WDR49: variants seen among roughly 807,000 people sequenced by gnomAD.
WDR49 encodes cilia- and flagella-associated protein 337.
A neutral mutation model predicts 119.5 loss-of-function variants in WDR49; 107 were observed. That is an observed-to-expected ratio of 0.90 (90% CI 0.77 to 1.05). The LOEUF (loss-of-function observed/expected upper bound fraction) is 1.05. WDR49 is among the 50% of genes least tolerant of loss of function. The pLI, the probability that WDR49 is intolerant of heterozygous loss-of-function variation, is 0.00. For missense variants in WDR49, 1,240 were observed against 1,220.5 expected, an observed-to-expected ratio of 1.02 and a Z score of -0.24; for synonymous variants, 425 against 418.8, an observed-to-expected ratio of 1.01 and a Z score of -0.18.
At chr3:167,571,007 A>G (rs1392563137) in intron 8 of WDR49, among the ~76,000 whole-genome samples, 1 of 150,652 alleles carries the variant, frequency 6.6e-6, no homozygotes, top group Non-Finnish European at 1.5e-5. Context: ...CTTGGGCGAC[A>G]GAGAGAGACT....
At chr3:167,590,313 G>T (rs1165525567) in intron 7 of WDR49, among the ~76,000 whole-genome samples, 1 of 152,028 alleles carries the variant, frequency 6.6e-6, no homozygotes, top group Non-Finnish European at 1.5e-5. Context: ...GTAGTATTTT[G>T]TTGAGGATTT....
chr3:167,554,772 G>A lies in WDR49; in HGVS notation c.1701C>T (p.His567=). ...VKIWDFNGYC[H]HTLNVGQDGA... ...CATCTTGCCCAACATTTAGTGTATG[G>A]TGACAATATCCATTGAAGTCCCATA... The change falls in exon 10 of 19, where the codon CAC becomes CAT. Residue 567 remains histidine (H), a synonymous_variant. Transcript: ENST00000682715. 2 of 1,610,932 alleles carry A rather than the reference G, an allele frequency of 1.2e-6. No homozygotes were observed. The highest frequency in any genetic ancestry group is 1.7e-6 in the Non-Finnish European group (2 of 1,179,122).
intron 16 of WDR49, among the ~76,000 whole-genome samples, chr3:167,521,424 C>A (rs1752430445): frequency 6.6e-6 from 1 of 152,094 alleles, no homozygotes; most frequent in African/African-American, 2.4e-5. Context: ...TTCTTCCCAT[C>A]CTCAGTGAAA....
chr3:167,575,494 T>A (rs191053671), intron 8 of WDR49, among the ~76,000 whole-genome samples: 80 of 152,346 alleles, frequency 5.3e-4, no homozygotes, highest in African/African-American at 1.9e-3. Flanking sequence ...ACCACTGGTG[T>A]AAAATATGCT....
At chr3:167,638,265 T>G (rs1011035080) in intron 2 of WDR49, among the ~76,000 whole-genome samples, 3 of 151,544 alleles carry the variant, frequency 2.0e-5, no homozygotes, top group Admixed American at 6.6e-5. Flanking sequence ...CATGAAAAAT[T>G]GCTCATAATT....
chr3:167,595,748 C>T (rs1186573508), intron 7 of WDR49, among the ~76,000 whole-genome samples: 3 of 152,024 alleles, frequency 2.0e-5, no homozygotes, highest in Non-Finnish European at 4.4e-5. Context: ...AAACGTCAGA[C>T]CTAAAACCAT....
chr3:167,639,010 T>C (rs1717752024), intron 2 of WDR49, among the ~76,000 whole-genome samples: 1 of 151,682 alleles, frequency 6.6e-6, no homozygotes, highest in Admixed American at 6.6e-5. Context: ...AATATAATTG[T>C]TCTTATTAAT....
chr3:167,533,905 T>A (rs1752931781), intron 11 of WDR49, among the ~76,000 whole-genome samples: 1 of 151,804 alleles, frequency 6.6e-6, no homozygotes, highest in South Asian at 2.1e-4. Context: ...GAGAGAGAAA[T>A]GCACACCAAA....
At chr3:167,590,206 A>G (rs962544934) in intron 7 of WDR49, among the ~76,000 whole-genome samples, 6 of 152,140 alleles carry the variant, frequency 3.9e-5, no homozygotes, top group Non-Finnish European at 7.4e-5. Context: ...TATCAAATTG[A>G]TTGATTTGCA....
Position 167,527,909 on chromosome 3 carries a change from C to A in WDR49, c.2515G>T (p.Gly839Cys). 6.2e-7 allele frequency: 1 copy of A among 1,613,330 alleles called. No individual in the cohort carries two copies. The highest frequency in any genetic ancestry group is 8.5e-7 in the Non-Finnish European group (1 of 1,179,572). Reference sequence around the variant, plus strand: ...GAGGAGATAATCAGTAACTGACCACCTGGCTCACACATCTCTAAGGAACTT... The same window carrying A: ...GAGGAGATAATCAGTAACTGACCACATGGCTCACACATCTCTAAGGAACTT... ...RISSLEMCEP[G>C]GQLLIISSSA... Residue 839 changes from glycine (G) to cysteine (C), a missense_variant, in exon 15 of 19, where the codon GGT becomes TGT. Gly to Cys is a radical substitution (Grantham distance 159, BLOSUM62 -3). Transcript: ENST00000682715.
In WDR49 at chr3:167,478,716, G is replaced by A; in HGVS notation, c.*162C>T. The stretch of plus-strand genomic sequence containing the variant: ...CAATATTTATTTTATTAAGAATACA[G>A]AGAAATTGACAGATGATAGATAAAA... On this transcript the variant is annotated 3_prime_UTR_variant, in exon 19 of 19. Transcript: ENST00000682715. 1 of 439,514 alleles carries A rather than the reference G, an allele frequency of 2.3e-6. No individual in the cohort carries two copies. 27.2% of individuals were successfully genotyped at this position (439,514 alleles called of 1,614,324 possible). A position where few individuals can be genotyped will look rare whatever the true frequency, so the allele number is the denominator to read the frequency against.
intron 9 of WDR49, among the ~76,000 whole-genome samples, chr3:167,555,214 T>G (rs1432547168): frequency 6.6e-6 from 1 of 152,014 alleles, no homozygotes; most frequent in Non-Finnish European, 1.5e-5. Flanking sequence ...ATGGAGTCAA[T>G]CAACCCTGTG....
At chr3:167,638,072 T>C (rs140191556) in intron 2 of WDR49, among the ~76,000 whole-genome samples, 48 of 151,712 alleles carry the variant, frequency 3.2e-4, no homozygotes, top group African/African-American at 1.1e-3. Flanking sequence ...TTATTGAAAG[T>C]AATAAGAAAG....
chr3:167,604,883 C>T (rs1342911967), intron 5 of WDR49, among the ~76,000 whole-genome samples: 4 of 152,054 alleles, frequency 2.6e-5, no homozygotes, highest in Admixed American at 2.6e-4. Context: ...TCTGATGGTG[C>T]CTTAATCTTT....
chr3:167,592,475 G>T (rs373508135), intron 7 of WDR49, among the ~76,000 whole-genome samples: 1 of 139,776 alleles, frequency 7.2e-6, no homozygotes, highest in Admixed American at 7.6e-5. Context: ...TCACTCTGTC[G>T]CCAAGCTGGA....
chr3:167,615,682 G>T (rs1392826877), intron 5 of WDR49, among the ~76,000 whole-genome samples: 1 of 151,826 alleles, frequency 6.6e-6, no homozygotes, highest in Non-Finnish European at 1.5e-5. Flanking sequence ...CTTTAAAAAA[G>T]AAAAAAGGAA....
intron 16 of WDR49, among the ~76,000 whole-genome samples, chr3:167,520,079 A>ATGTGTG (rs146681932): frequency 0.08 from 11,929 of 149,210 alleles, 545 homozygotes; most frequent in African/African-American, 0.13. Flanking sequence ...AAAGAAAAAA[A>ATGTGTG]TGTGTGTGTG....
chr3:167,550,497 T>C (rs1712490703), intron 10 of WDR49, among the ~76,000 whole-genome samples: 1 of 152,024 alleles, frequency 6.6e-6, no homozygotes, highest in South Asian at 2.1e-4. Flanking sequence ...CTTTTTCTTA[T>C]GTGTGCATGT....
At chr3:167,526,870 C>T (rs961142400) in intron 15 of WDR49, among the ~76,000 whole-genome samples, 28 of 151,340 alleles carry the variant, frequency 1.9e-4, no homozygotes, top group African/African-American at 5.8e-4. Flanking sequence ...CCTGAGGCTC[C>T]TAAATAGAAC....
Sources: gnomAD v4.1 joint callset for allele counts (sites outside exome capture counted in the v4.1 genomes callset) on GRCh38, gnomAD v4.1.1 for gene constraint, MANE v1.5 for transcripts, NCBI Gene and HGNC (gene_info 2026-07-23, HGNC 2026-07-21) for gene names.